The following SPMAP2L variants were observed in gnomAD, a reference collection of about 807,000 sequenced individuals.
SPMAP2L encodes the protein sperm microtubule associated protein 2-like.
chr4:56,601,201 G>C, the SPMAP2L span: 1 of 1,252,554 alleles, frequency 8.0e-7, no homozygotes, highest in Non-Finnish European at 1.1e-6. Flanking sequence ...GAAAAGAGTT[G>C]TAGAAATATG....
chr4:56,536,910 T>C, the SPMAP2L span, among the ~76,000 whole-genome samples: 822 of 152,216 alleles, frequency 5.4e-3, 10 homozygotes, highest in African/African-American at 0.019. Flanking sequence ...ATTACAAGTA[T>C]GCACCACCAT....
At chr4:56,552,389 G>C in the SPMAP2L span, among the ~76,000 whole-genome samples, 1 of 152,186 alleles carries the variant, frequency 6.6e-6, no homozygotes, top group Non-Finnish European at 1.5e-5. Context: ...TGGGTACAAA[G>C]AATGTTTGGA....
chr4:56,604,538 A>G, the SPMAP2L span, among the ~76,000 whole-genome samples: 1 of 151,842 alleles, frequency 6.6e-6, no homozygotes, highest in Non-Finnish European at 1.5e-5. Flanking sequence ...CACACCTGTA[A>G]TCCCAGCTAC....
chr4:56,553,180 CTTTTTTTTTTTTTT>C, the SPMAP2L span, among the ~76,000 whole-genome samples: 3 of 29,990 alleles, frequency 1.0e-4, no homozygotes, highest in African/African-American at 3.9e-4. Context: ...TCTCCTATTG[CTTTTTTTTTTTTTT>C]TTTTTTTTTT....
chr4:56,602,393 T>C, the SPMAP2L span, among the ~76,000 whole-genome samples: 2 of 152,200 alleles, frequency 1.3e-5, no homozygotes, highest in Non-Finnish European at 2.9e-5. Context: ...GCTCATTCTC[T>C]GTTCATTAAA....
At chr4:56,566,433 G>A in the SPMAP2L span, among the ~76,000 whole-genome samples, 6 of 152,052 alleles carry the variant, frequency 3.9e-5, no homozygotes, top group African/African-American at 1.4e-4. Context: ...TCCTGACCTC[G>A]TGATCCACCT....
the SPMAP2L span, among the ~76,000 whole-genome samples, chr4:56,578,234 G>C: frequency 1.1e-4 from 16 of 152,102 alleles, no homozygotes; most frequent in Admixed American, 1.0e-3. Flanking sequence ...AGCGGGAGGG[G>C]ATAGAGCTAT....
At chr4:56,585,358 A>G in the SPMAP2L span, among the ~76,000 whole-genome samples, 1 of 151,764 alleles carries the variant, frequency 6.6e-6, no homozygotes, top group African/African-American at 2.4e-5. Flanking sequence ...TTATTTTTTT[A>G]TTTTTTAAGA....
the SPMAP2L span, among the ~76,000 whole-genome samples, chr4:56,569,154 C>T: frequency 3.9e-5 from 6 of 152,088 alleles, no homozygotes; most frequent in Non-Finnish European, 5.9e-5. Flanking sequence ...GTTTTCATTC[C>T]TCTTGAATAT....
the SPMAP2L span, among the ~76,000 whole-genome samples, chr4:56,582,921 A>G: frequency 0.025 from 3,863 of 152,280 alleles, 163 homozygotes; most frequent in African/African-American, 0.088. Flanking sequence ...AATCTTCTAA[A>G]CATGCTAAGT....
the SPMAP2L span, chr4:56,593,594 G>A: frequency 5.8e-5 from 93 of 1,603,672 alleles, no homozygotes; most frequent in South Asian, 6.4e-4. Context: ...GGTAGACATC[G>A]CCTTGGGCAG....
At chr4:56,563,975 G>C in the SPMAP2L span, among the ~76,000 whole-genome samples, 1 of 152,044 alleles carries the variant, frequency 6.6e-6, no homozygotes, top group African/African-American at 2.4e-5. Flanking sequence ...CAATGAAGTC[G>C]TCTGGGCCTA....
chr4:56,543,893 A>AGTGT, the SPMAP2L span, among the ~76,000 whole-genome samples: 46 of 132,478 alleles, frequency 3.5e-4, 1 homozygote, highest in South Asian at 7.2e-3. Context: ...AGAGAGAGAG[A>AGTGT]GAGTGTGTGT....
chr4:56,556,770 T>C, the SPMAP2L span, among the ~76,000 whole-genome samples: 1 of 151,506 alleles, frequency 6.6e-6, no homozygotes, highest in African/African-American at 2.4e-5. Flanking sequence ...CTACTTGAGA[T>C]AGGTTGTGGC....
At chr4:56,612,922 A>G in the SPMAP2L span, among the ~76,000 whole-genome samples, 2 of 152,164 alleles carry the variant, frequency 1.3e-5, no homozygotes, top group African/African-American at 2.4e-5. Context: ...GGAATTTCCC[A>G]GGCATTTTGA....
the SPMAP2L span, among the ~76,000 whole-genome samples, chr4:56,565,725 G>C: frequency 6.6e-6 from 1 of 151,988 alleles, no homozygotes; most frequent in Non-Finnish European, 1.5e-5. Context: ...GTTTAGACTT[G>C]GGACTACTTC....
the SPMAP2L span, among the ~76,000 whole-genome samples, chr4:56,621,269 A>G: frequency 2.6e-5 from 4 of 152,042 alleles, no homozygotes; most frequent in African/African-American, 9.6e-5. Flanking sequence ...CAATAGTGAT[A>G]GGTTTTTGTA....
the SPMAP2L span, among the ~76,000 whole-genome samples, chr4:56,541,235 A>T: frequency 6.6e-6 from 1 of 152,194 alleles, no homozygotes; most frequent in African/African-American, 2.4e-5. Flanking sequence ...GTTTTTGCCA[A>T]TTTGAATATA....
the SPMAP2L span, chr4:56,548,766 G>A: frequency 6.9e-7 from 1 of 1,457,456 alleles, no homozygotes; most frequent in Non-Finnish European, 9.1e-7. Flanking sequence ...TCTAATTTTT[G>A]CTTTTACTTT....
Sources: allele counts gnomAD v4.1 joint callset (sites outside exome capture counted in the v4.1 genomes callset), GRCh38; gene constraint gnomAD v4.1.1; transcripts MANE v1.5; gene names NCBI Gene and HGNC (gene_info 2026-07-23, HGNC 2026-07-21).